Variants in DNAH14 observed in about 807,000 individuals in gnomAD.
DNAH14 encodes the protein axonemal beta dynein heavy chain 14.
Under a neutral mutation model 520.9 loss-of-function variants are expected in DNAH14, and 478 were observed. The ratio of observed to expected loss-of-function variants is 0.92; its 90% CI spans 0.85 to 0.99. The LOEUF is 0.99. Among genes scored for constraint, DNAH14 ranks in the 50% least tolerant of loss-of-function variants. DNAH14 has a pLI of 0.00. For synonymous variants in DNAH14, 1,581 were observed against 1,757.2 expected, an observed-to-expected ratio of 0.90 and a Z score of 2.51; for missense variants, 4,831 against 5,234.5, an observed-to-expected ratio of 0.92 and a Z score of 2.38.
At chr1:225,384,539 AG>A (rs1338413157) in intron 81 of DNAH14, among the ~76,000 whole-genome samples, 5 of 152,170 alleles carry the variant, frequency 3.3e-5, no homozygotes, top group Admixed American at 1.3e-4. Context: ...AAAATGATAA[AG>A]GGGATATCAC....
rs2082194889 is a variant in DNAH14 at position 225,167,949 on chromosome 1, A to G, written c.5456A>G (p.Tyr1819Cys). Residue 1819 changes from tyrosine to cysteine, a missense_variant, in exon 36 of 86, where the codon TAT becomes TGT. By Grantham distance (194) the Tyr-to-Cys change is radical. Transcript: ENST00000682510. ...TTTATTTCCTTTTAGAAAGTAATATATACTGCAACTCAGCAATTGGGTTTA... is the reference window on the plus strand; with the variant it reads ...TTTATTTCCTTTTAGAAAGTAATATGTACTGCAACTCAGCAATTGGGTTTA... ...VNQLALEKVI[Y>C]TATQQLGLQN... The G allele has an allele frequency of 1.3e-6, 2 of 1,518,864 alleles. No individual in the cohort carries two copies. The highest frequency in any genetic ancestry group is 1.8e-6 in the Non-Finnish European group (2 of 1,129,202). 94.1% of individuals were successfully genotyped at this position (1,518,864 alleles called of 1,614,324 possible).
intron 23 of DNAH14, among the ~76,000 whole-genome samples, chr1:225,106,793 C>G (rs2076092973): frequency 6.6e-6 from 1 of 151,912 alleles, no homozygotes; most frequent in South Asian, 2.1e-4. Flanking sequence ...AATTTTTTTT[C>G]AAGGTTTTTA....
At chr1:225,023,540 AAAACT>A in intron 10 of DNAH14, 70 bp from the exon 11 acceptor site, 1 of 1,275,388 alleles carries the variant, frequency 7.8e-7, no homozygotes, top group African/African-American at 1.5e-5. Flanking sequence ...GTTGATAAAA[AAAACT>A]AAACTAGAAA....
rs1318703623 is a variant in DNAH14, at chr1:225,080,402, T to C, written c.2790T>C (p.Cys930=). 1 of 1,546,058 alleles carries C rather than the reference T, an allele frequency of 6.5e-7. No homozygotes were observed. The highest frequency in any genetic ancestry group is 2.4e-5 in the East Asian group (1 of 40,904). Residue 930 remains cysteine, a synonymous_variant, in exon 19 of 86, where the codon TGT becomes TGC. Coordinates refer to ENST00000682510, the MANE Select transcript of DNAH14 (RefSeq NM_001367479.1). ...KAKIRTPLLL[C]AGTQVSTAME... is the part of the protein sequence containing the mutation. ...AGATAAGAACTCCTCTTCTGTTATG[T>C]GCTGGTACTCAAGTGTCAACAGCAA...
intron 27 of DNAH14, among the ~76,000 whole-genome samples, chr1:225,134,901 A>G (rs112537134): frequency 0.058 from 8,721 of 151,568 alleles, 477 homozygotes; most frequent in East Asian, 0.24. Flanking sequence ...CAATTTCACA[A>G]CTCATTATTG....
chr1:225,098,653 T>C (rs551945547), intron 22 of DNAH14, among the ~76,000 whole-genome samples: 15 of 152,318 alleles, frequency 9.8e-5, no homozygotes, highest in African/African-American at 3.6e-4. Context: ...TTGGGTTTAT[T>C]CTATTTGATT....
intron 75 of DNAH14, 91 bp downstream of exon 75, chr1:225,360,982 C>T (rs1391431786): frequency 8.4e-7 from 1 of 1,192,366 alleles, no homozygotes; most frequent in Non-Finnish European, 1.2e-6. Flanking sequence ...TGTGTGTAAA[C>T]AATAGCAAAA....
intron 4 of DNAH14, among the ~76,000 whole-genome samples, chr1:224,960,779 A>G (rs1426231511): frequency 6.6e-6 from 1 of 152,152 alleles, no homozygotes; most frequent in Non-Finnish European, 1.5e-5. Flanking sequence ...AAGAAAGGAA[A>G]CTTTTCTATT....
rs373587958 is a variant in DNAH14 at position 224,943,782 on chromosome 1, A to C, written c.-33-8888A>C. 3.4e-4 allele frequency among the ~76,000 whole-genome samples: 51 copies of C among 152,132 alleles called. No individual in the cohort carries two copies. In the East Asian group the frequency reaches 7.2e-3, roughly 22 times the overall value. ...GTAGTCATTCAGGAGCAGGTTGTTC[A>C]GTTTCCATGTGGTTGAGCGGTTTTG... On this transcript the variant is annotated intron_variant, in intron 1 of 85. Coordinates refer to ENST00000682510, the MANE Select transcript of DNAH14 (RefSeq NM_001367479.1).
chr1:225,143,909 G>T (rs1038848046), intron 28 of DNAH14, among the ~76,000 whole-genome samples: 1 of 152,118 alleles, frequency 6.6e-6, no homozygotes, highest in Non-Finnish European at 1.5e-5. Context: ...AACATTTATG[G>T]TTAGCTACAC....
At chr1:225,351,456 T>C (rs2095365567) in intron 71 of DNAH14, among the ~76,000 whole-genome samples, 191 bp from the exon 72 acceptor site, 1 of 152,174 alleles carries the variant, frequency 6.6e-6, no homozygotes, top group South Asian at 2.1e-4. Context: ...ATAAAAACAA[T>C]TACCTCTTAC....
chr1:225,321,124 A>G (rs1034592909), intron 61 of DNAH14, among the ~76,000 whole-genome samples: 7 of 152,340 alleles, frequency 4.6e-5, no homozygotes, highest in Admixed American at 1.3e-4. Context: ...ACCTGAAAAA[A>G]TTATTTCAGA....
chr1:225,351,568 C>A, intron 71 of DNAH14, 79 bp from the exon 72 acceptor site: 1 of 947,770 alleles, frequency 1.1e-6, no homozygotes, highest in Non-Finnish European at 1.5e-6. Context: ...ACATCTTTGT[C>A]AAGTATCTAC....
At chr1:225,128,923 G>A (rs1284601640) in intron 27 of DNAH14, among the ~76,000 whole-genome samples, 1 of 151,260 alleles carries the variant, frequency 6.6e-6, no homozygotes, top group African/African-American at 2.5e-5. Context: ...AAACCCCATT[G>A]TCTCAGCCCA....
rs1309627021 is a variant in DNAH14 at position 225,145,356 on chromosome 1, T to C, written c.4771T>C (p.Cys1591Arg). ...SLGKHCVVFN[C>R]FEDLDYKIVR... ...AGGCAAACATTGTGTGGTCTTCAAC[T>C]GTTTTGAGGATTTGGATTATAAGGT... is the stretch of plus-strand genomic sequence containing the variant. Residue 1591 changes from cysteine (C) to arginine (R), a missense_variant, in exon 30 of 86, where the codon TGT becomes CGT. Cys to Arg is a radical substitution (Grantham distance 180). Coordinates refer to ENST00000682510, the MANE Select transcript of DNAH14 (RefSeq NM_001367479.1). 1 of 1,547,248 alleles carries C rather than the reference T, an allele frequency of 6.5e-7. No individual in the cohort carries two copies. The highest frequency in any genetic ancestry group is 8.7e-7 in the Non-Finnish European group (1 of 1,145,168).
intron 26 of DNAH14, among the ~76,000 whole-genome samples, chr1:225,119,778 A>G (rs1451354219): frequency 6.6e-6 from 1 of 152,214 alleles, no homozygotes; most frequent in East Asian, 1.9e-4. Flanking sequence ...TGAACTTTCA[A>G]AACTAACTTG....
At chr1:225,324,584 A>G (rs544987962) in intron 63 of DNAH14, among the ~76,000 whole-genome samples, 153 bp from the exon 64 acceptor site, 3 of 152,358 alleles carry the variant, frequency 2.0e-5, no homozygotes, top group East Asian at 1.9e-4. Flanking sequence ...TTGTTTCACC[A>G]TAATAGGCAA....
chr1:225,267,832 G>A (rs75978719), intron 49 of DNAH14, among the ~76,000 whole-genome samples: 39 of 151,722 alleles, frequency 2.6e-4, no homozygotes, highest in Non-Finnish European at 5.2e-4. Context: ...CAGGTCAGAC[G>A]TCAGTCAGAC....
At chr1:225,077,266 C>G (rs1163113305) in intron 17 of DNAH14, among the ~76,000 whole-genome samples, 2 of 151,980 alleles carry the variant, frequency 1.3e-5, no homozygotes, top group African/African-American at 4.8e-5. Flanking sequence ...ATAGATTTAC[C>G]TTACCAGCAT....
Sources: gnomAD v4.1 joint callset for allele counts (sites outside exome capture counted in the v4.1 genomes callset) on GRCh38, gnomAD v4.1.1 for gene constraint, MANE v1.5 for transcripts, NCBI Gene and HGNC (gene_info 2026-07-23, HGNC 2026-07-21) for gene names.